Variants in RPAP1 observed in about 807,000 individuals in gnomAD.
The protein encoded by RPAP1 is RNA polymerase II-associated protein 1.
Under a neutral mutation model 142.4 loss-of-function variants are expected in RPAP1, and 109 were observed. The observed-to-expected ratio is 0.77, with a 90% CI of 0.66 to 0.90. The LOEUF is 0.90. Among genes scored for constraint, RPAP1 ranks in the 40% least tolerant of loss-of-function variants. RPAP1 has a pLI of 0.00. For missense variants in RPAP1, 1,546 were observed against 1,751.7 expected (o/e 0.88, Z 2.10); for synonymous variants, 704 against 738.9 (o/e 0.95, Z 0.77).
chr15:41,531,220 G>A lies in RPAP1; in HGVS notation c.764-18C>T, dbSNP rs763079756. The A allele has an allele frequency of 4.4e-6, 7 of 1,599,566 alleles. No individual in the cohort carries two copies. In the Admixed American group the frequency reaches 5.0e-5, roughly 11 times the overall value. On this transcript the variant is annotated intron_variant, in intron 6 of 24. Coordinates refer to ENST00000304330, the MANE Select transcript of RPAP1 (RefSeq NM_015540.4). ...GCTGGGGTCTAGAGGCGAAGGTAGA[G>A]GGGAGAGTGAGTGAGGGTAGATCCT... is the stretch of plus-strand genomic sequence containing the variant.
chr15:41,536,351 A>T (rs2051907109), intron 3 of RPAP1, 133 bp from the exon 4 acceptor site: 2 of 1,306,862 alleles, frequency 1.5e-6, no homozygotes, highest in African/African-American at 2.9e-5. Context: ...CCTTCAGGGC[A>T]GTGATTCTAA....
chr15:41,526,800 G>C, intron 14 of RPAP1, 98 bp downstream of exon 14: 3 of 1,203,076 alleles, frequency 2.5e-6, no homozygotes, highest in Non-Finnish European at 3.5e-6. Flanking sequence ...GGAAGAAGAT[G>C]GCAAGAGCTG....
intron 9 of RPAP1, 68 bp from the exon 10 acceptor site, chr15:41,528,404 G>T (rs934648681): frequency 1.9e-6 from 2 of 1,066,126 alleles, no homozygotes; most frequent in Non-Finnish European, 1.4e-6. Flanking sequence ...ACCAAGCAAG[G>T]TATCACAGGA....
chr15:41,537,295 T>G (rs1007985684), intron 1 of RPAP1, 94 bp from the exon 2 acceptor site: 1 of 652,786 alleles, frequency 1.5e-6, no homozygotes, highest in Non-Finnish European at 2.6e-6. Flanking sequence ...TGGGTTAACA[T>G]GAACTCATTC....
chr15:41,540,152 G>C (rs2051957277), intron 1 of RPAP1, among the ~76,000 whole-genome samples: 1 of 152,132 alleles, frequency 6.6e-6, no homozygotes, highest in South Asian at 2.1e-4. Flanking sequence ...GGCTAGTTTT[G>C]GAACCCCTGA....
At chr15:41,528,675 G>A (rs533029383) in intron 9 of RPAP1, among the ~76,000 whole-genome samples, 1 of 152,322 alleles carries the variant, frequency 6.6e-6, no homozygotes, top group Non-Finnish European at 1.5e-5. Context: ...TGGAGTCCTG[G>A]AGGGCCCTGA....
chr15:41,523,101 C>T, intron 18 of RPAP1, 141 bp from the exon 19 acceptor site: 1 of 913,174 alleles, frequency 1.1e-6, no homozygotes, highest in African/African-American at 1.7e-5. Context: ...GAGCCCACCC[C>T]ACTGCTGCCT....
chr15:41,534,496 G>C (rs191606387), intron 6 of RPAP1, among the ~76,000 whole-genome samples: 2 of 149,762 alleles, frequency 1.3e-5, no homozygotes, highest in East Asian at 3.9e-4. Context: ...TGAAGTGGGA[G>C]GATTGCTTGA....
Position 41,528,330 on chromosome 15 carries a change from C to T in RPAP1, c.1165G>A (p.Gly389Arg). The stretch of plus-strand genomic sequence containing the variant: ...TGGAACAGCTCCTGTAGGGAATACC[C>T]CGCTCTCTGGGGCAGGGACAAGAAG... ...HHHGEEAERA[G>R]YSLQELFHLT... The change falls in exon 10 of 25, where the codon GGG becomes AGG. Residue 389 changes from glycine (G) to arginine (R), a missense_variant. Physicochemically the swap from Gly to Arg is moderately radical, Grantham distance 125. Coordinates refer to ENST00000304330, the MANE Select transcript of RPAP1 (RefSeq NM_015540.4). The T allele has an allele frequency of 6.3e-7, 1 of 1,588,034 alleles. No homozygotes were observed. The highest frequency in any genetic ancestry group is 8.6e-7 in the Non-Finnish European group (1 of 1,165,956).
intron 18 of RPAP1, 38 bp downstream of exon 18, chr15:41,523,207 C>A: frequency 7.2e-7 from 1 of 1,389,472 alleles, no homozygotes; most frequent in Non-Finnish European, 9.9e-7. Flanking sequence ...AAATTGCCTC[C>A]TCCCCTGCTT....
intron 15 of RPAP1, 111 bp downstream of exon 15, chr15:41,524,880 T>C (rs1243535095): frequency 1.7e-6 from 2 of 1,169,764 alleles, no homozygotes; most frequent in African/African-American, 3.1e-5. Context: ...TCCCACTCAT[T>C]CTTATCCTTC....
At position 41,526,972 on chromosome 15, in the gene RPAP1, T is replaced by C. The variant is rs2051797845; in HGVS notation, c.1843A>G (p.Lys615Glu). 6.2e-7 allele frequency: 1 copy of C among 1,614,156 alleles called. No individual in the cohort carries two copies. Among genetic ancestry groups the C allele is most frequent in the Non-Finnish European group, 8.5e-7 (1 of 1,180,012 alleles). Residue 615 changes from lysine (K) to glutamate (E), a missense_variant, in exon 14 of 25, where the codon AAA (lysine) becomes GAA (glutamate). Coordinates refer to ENST00000304330, the MANE Select transcript of RPAP1 (RefSeq NM_015540.4). ...VGAGPTPSLY[K>E]VPCATAMKLL... is the part of the protein sequence containing the mutation. ...TTCATGGCAGTAGCACAGGGTACTT[T>C]GTATAGACTAGGGGTAGGCCCTGCC... is the stretch of plus-strand genomic sequence containing the variant.
In RPAP1 at chr15:41,536,410, A is replaced by T. The variant is rs1595488578; in HGVS notation, c.330+91T>A. 5.9e-6 allele frequency: 9 copies of T among 1,519,340 alleles called. No homozygotes were observed. In the African/African-American group the frequency reaches 9.6e-5, roughly 16 times the overall value. 94.1% of individuals were successfully genotyped at this position (1,519,340 alleles called of 1,614,324 possible). On this transcript the variant is annotated intron_variant, in intron 3 of 24. Coordinates refer to ENST00000304330, the MANE Select transcript of RPAP1 (RefSeq NM_015540.4). ...GGGTAAAAGTCTACCTTTCTGAAGCACCCTCCACTGATAAGCCTCACCCAC... is the reference window on the plus strand; with the variant it reads ...GGGTAAAAGTCTACCTTTCTGAAGCTCCCTCCACTGATAAGCCTCACCCAC...
At position 41,529,918 on chromosome 15, in the gene RPAP1, C is replaced by A; in HGVS notation, c.1005G>T (p.Glu335Asp). Residue 335 changes from glutamate (E) to aspartate (D), a missense_variant, in exon 8 of 25, where the codon GAG (glutamate) becomes GAT (aspartate). Glu to Asp is a conservative substitution (Grantham distance 45, BLOSUM62 2). Transcript: ENST00000304330. ...EWLHMDTVEL[E>D]KLHWTQDLPP... is the part of the protein sequence containing the mutation. ...GCAAGTCCTGGGTCCAGTGGAGCTTCTCCAGCTCGACAGTGTCCATGTGCA... is the reference window on the plus strand; with the variant it reads ...GCAAGTCCTGGGTCCAGTGGAGCTTATCCAGCTCGACAGTGTCCATGTGCA... 6.2e-7 allele frequency: 1 copy of A among 1,613,964 alleles called. No individual in the cohort carries two copies. Among genetic ancestry groups the A allele is most frequent in the Non-Finnish European group, 8.5e-7 (1 of 1,179,918 alleles).
intron 1 of RPAP1, among the ~76,000 whole-genome samples, chr15:41,540,037 AAAT>A (rs1256062836): frequency 6.6e-6 from 1 of 152,100 alleles, no homozygotes; most frequent in Non-Finnish European, 1.5e-5. Flanking sequence ...CGTCTCAAAA[AAAT>A]AATAATAATA....
At position 41,531,031 on chromosome 15, in the gene RPAP1, T is replaced by C. The variant is rs1442168111; in HGVS notation, c.935A>G (p.Glu312Gly). The C allele has an allele frequency of 6.2e-7, 1 of 1,610,248 alleles. No individual in the cohort carries two copies. The highest frequency in any genetic ancestry group is 1.7e-5 in the Admixed American group (1 of 59,928). The change falls in exon 7 of 25, where the codon GAA (glutamate) becomes GGA (glycine). Residue 312 changes from glutamate to glycine, a missense_variant. By Grantham distance (98) the Glu-to-Gly change is moderately conservative. Coordinates refer to ENST00000304330, the MANE Select transcript of RPAP1 (RefSeq NM_015540.4). ...EPRKRDKLEP[E>G]APALALPVTP... ...CCCCGCCTCCTGCAAACCTGGGGCT[T>C]CTGGCTCCAGCTTGTCTCTCTTCCT...
chr15:41,536,393 G>T, intron 3 of RPAP1, 108 bp downstream of exon 3: 2 of 1,470,182 alleles, frequency 1.4e-6, no homozygotes, highest in South Asian at 1.3e-5. Flanking sequence ...AGGGGTAAAA[G>T]TCTACCTTTC....
intron 22 of RPAP1, among the ~76,000 whole-genome samples, chr15:41,519,050 G>A (rs1407913945): frequency 1.3e-5 from 2 of 151,864 alleles, no homozygotes; most frequent in Non-Finnish European, 2.9e-5. Flanking sequence ...CACCAGGTCT[G>A]GCTAATTTTC....
chr15:41,527,554 G>A lies in RPAP1; in HGVS notation c.1480C>T (p.Leu494=), dbSNP rs372091523. The part of the protein sequence containing the change: ...SWYHGALTFP[L]MPSQEDKEDE... ...TCCTTGTCCTCCTGGCTGGGCATCA[G>A]AGGGAACGTCAAAGCTCCATGGTAC... The change falls in exon 12 of 25, where the codon CTG becomes TTG. Residue 494 remains leucine (L), a synonymous_variant. Transcript: ENST00000304330. 38 of 1,614,022 alleles carry A rather than the reference G, an allele frequency of 2.4e-5. No individual in the cohort carries two copies. Among genetic ancestry groups the A allele is most frequent in the South Asian group, 1.1e-5 (1 of 91,090 alleles).
Sources: gnomAD v4.1 joint callset for allele counts (sites outside exome capture counted in the v4.1 genomes callset) on GRCh38, gnomAD v4.1.1 for gene constraint, MANE v1.5 for transcripts, NCBI Gene and HGNC (gene_info 2026-07-23, HGNC 2026-07-21) for gene names.